ARHGAP39: variants seen among roughly 807,000 people sequenced by gnomAD.
ARHGAP39 encodes the protein Rho GTPase activating protein 39.
A neutral mutation model predicts 106.9 loss-of-function variants in ARHGAP39; 44 were observed. The ratio of observed to expected loss-of-function variants is 0.41; its 90% CI spans 0.32 to 0.53. ARHGAP39 has a LOEUF of 0.53. ARHGAP39 is among the 20% of genes least tolerant of loss of function. The pLI, the probability that ARHGAP39 is intolerant of heterozygous loss-of-function variation, is 0.21. For synonymous variants in ARHGAP39, 768 were observed against 693.2 expected, an observed-to-expected ratio of 1.11 and a Z score of -1.69; for missense variants, 1,496 against 1,577.3, an observed-to-expected ratio of 0.95 and a Z score of 0.87.
At chr8:144,694,606 G>C in the ARHGAP39 span, among the ~76,000 whole-genome samples, 1 of 152,200 alleles carries the variant, frequency 6.6e-6, no homozygotes. Flanking sequence ...CAGATCTCTG[G>C]CTTTTAACAT....
At chr8:144,530,655 C>A (rs748116403) in intron 11 of ARHGAP39, 39 bp from the exon 12 acceptor site, 4 of 310,962 alleles carry the variant, frequency 1.3e-5, no homozygotes, top group Non-Finnish European at 1.2e-5. Flanking sequence ...GGGGCGGGGG[C>A]GGGGCGGGGA....
upstream of ARHGAP39, among the ~76,000 whole-genome samples, chr8:144,688,936 AAGG>A (rs1354408853): frequency 6.6e-6 from 1 of 152,194 alleles, no homozygotes; most frequent in Admixed American, 6.5e-5. Flanking sequence ...TCCAATTGTG[AAGG>A]AGGACATGAA....
At chr8:144,672,683 T>C (rs1226589118) in intron 1 of ARHGAP39, among the ~76,000 whole-genome samples, 2 of 152,188 alleles carry the variant, frequency 1.3e-5, no homozygotes, top group Non-Finnish European at 2.9e-5. Context: ...TGATATTAAT[T>C]TTTAAAACTC....
intron 1 of ARHGAP39, among the ~76,000 whole-genome samples, chr8:144,629,444 A>G (rs1458217083): frequency 1.3e-5 from 2 of 152,184 alleles, no homozygotes; most frequent in Non-Finnish European, 2.9e-5. Flanking sequence ...GGGCCCTGGC[A>G]GATGTTAGAG....
intron 8 of ARHGAP39, 47 bp downstream of exon 8, chr8:144,534,082 C>G (rs374564400): frequency 9.4e-6 from 15 of 1,601,600 alleles, no homozygotes; most frequent in Non-Finnish European, 1.3e-5. Context: ...CACCAAGGGT[C>G]TCTGTGTCCC....
chr8:144,556,457 A>C (rs1303798152), intron 3 of ARHGAP39, among the ~76,000 whole-genome samples: 3 of 152,252 alleles, frequency 2.0e-5, no homozygotes, highest in Non-Finnish European at 4.4e-5. Flanking sequence ...AACAACTCTC[A>C]GTAGTCCAGA....
intron 3 of ARHGAP39, among the ~76,000 whole-genome samples, chr8:144,567,363 A>G (rs1290528399): frequency 6.6e-6 from 1 of 152,246 alleles, no homozygotes; most frequent in Non-Finnish European, 1.5e-5. Context: ...CAGGGCCACC[A>G]GAGGGCTCCT....
chr8:144,695,025 T>G, the ARHGAP39 span, among the ~76,000 whole-genome samples: 7 of 151,412 alleles, frequency 4.6e-5, no homozygotes, highest in Non-Finnish European at 1.0e-4. Flanking sequence ...TTTTTCATGT[T>G]TATTGGCCAT....
At chr8:144,639,597 C>A (rs540943323) in intron 1 of ARHGAP39, among the ~76,000 whole-genome samples, 2 of 151,888 alleles carry the variant, frequency 1.3e-5, no homozygotes, top group East Asian at 3.9e-4. Context: ...ATGGTTGCCA[C>A]GGTAAATTTT....
the ARHGAP39 span, chr8:144,698,577 G>T: frequency 3.8e-6 from 1 of 264,298 alleles, no homozygotes; most frequent in Non-Finnish European, 7.5e-6. Flanking sequence ...CTTTCTTAAT[G>T]GTAGCTTTTT....
At chr8:144,628,149 G>A (rs1048847082) in intron 1 of ARHGAP39, among the ~76,000 whole-genome samples, 9 of 152,230 alleles carry the variant, frequency 5.9e-5, no homozygotes, top group Non-Finnish European at 1.3e-4. Flanking sequence ...GCCCCACACA[G>A]AGACAGCGTC....
Position 144,529,439 on chromosome 8 carries a change from G to C in ARHGAP39, c.*983C>G, listed in dbSNP as rs943229985. 6.6e-6 allele frequency: 1 copy of C among 151,866 alleles called. No individual in the cohort carries two copies. Among genetic ancestry groups the C allele is most frequent in the Non-Finnish European group, 1.5e-5 (1 of 67,930 alleles). The allele number at this position is 151,866 out of a possible 1,614,324, so 9.4% of individuals were successfully genotyped here. A position where few individuals can be genotyped will look rare whatever the true frequency, so the allele number is the denominator to read the frequency against. On this transcript the variant is annotated 3_prime_UTR_variant, in exon 12 of 12. Coordinates refer to ENST00000377307, the MANE Select transcript of ARHGAP39 (RefSeq NM_025251.3). ...CCAAAATGGAAAATGTACAAACTCG[G>C]TCCCCCAGCAGCTCTGGCCCCGAGA...
chr8:144,546,177 G>A (rs939305709), intron 5 of ARHGAP39, among the ~76,000 whole-genome samples: 2 of 152,156 alleles, frequency 1.3e-5, no homozygotes, highest in African/African-American at 4.8e-5. Flanking sequence ...GTTCAGGCAC[G>A]GAAGGCTGCA....
At chr8:144,615,139 G>A (rs1267282525) in intron 1 of ARHGAP39, among the ~76,000 whole-genome samples, 1 of 152,168 alleles carries the variant, frequency 6.6e-6, no homozygotes, top group South Asian at 2.1e-4. Flanking sequence ...GGGCAAGATG[G>A]CAAAACCTCA....
At chr8:144,608,593 A>G (rs961525666) in intron 1 of ARHGAP39, among the ~76,000 whole-genome samples, 1 of 152,190 alleles carries the variant, frequency 6.6e-6, no homozygotes, top group South Asian at 2.1e-4. Context: ...GGTCCTTTGC[A>G]TTTCTATATG....
At chr8:144,538,610 T>G (rs1408128565) in intron 6 of ARHGAP39, among the ~76,000 whole-genome samples, 1 of 152,150 alleles carries the variant, frequency 6.6e-6, no homozygotes, top group Non-Finnish European at 1.5e-5. Context: ...CAGGCTGGAG[T>G]GAGTGGTGCG....
intron 1 of ARHGAP39, among the ~76,000 whole-genome samples, chr8:144,672,038 C>T (rs900029736): frequency 6.6e-6 from 1 of 152,212 alleles, no homozygotes; most frequent in Non-Finnish European, 1.5e-5. Context: ...TCTGTGATTC[C>T]GGCACATGCT....
chr8:144,682,240 ATCTC>A (rs1822442252), intron 1 of ARHGAP39, among the ~76,000 whole-genome samples: 1 of 50,312 alleles, frequency 2.0e-5, no homozygotes. Flanking sequence ...GCAAGACTCT[ATCTC>A]AAAAAAAAAA....
At chr8:144,699,962 T>C in the ARHGAP39 span, among the ~76,000 whole-genome samples, 1 of 152,124 alleles carries the variant, frequency 6.6e-6, no homozygotes, top group East Asian at 1.9e-4. Flanking sequence ...CGGGATGATT[T>C]ACATTCTGGG....
Sources: gnomAD v4.1 joint callset for allele counts (sites outside exome capture counted in the v4.1 genomes callset) on GRCh38, gnomAD v4.1.1 for gene constraint, MANE v1.5 for transcripts, NCBI Gene and HGNC (gene_info 2026-07-23, HGNC 2026-07-21) for gene names.